Variants in SPTLC3 observed in about 807,000 individuals in gnomAD.
SPTLC3 encodes serine palmitoyltransferase 3.
A neutral mutation model predicts 59.3 loss-of-function variants in SPTLC3; 36 were observed. The ratio of observed to expected loss-of-function variants is 0.61; its 90% CI spans 0.47 to 0.80. The LOEUF is 0.80. Ranked by LOEUF, SPTLC3 falls within the 30% of genes least tolerant of loss-of-function variation. The probability of loss-of-function intolerance (pLI) is 0.00; values close to 1 mark genes in which losing one functional copy is unlikely to be tolerated. For synonymous variants in SPTLC3, 257 were observed against 240.8 expected (o/e 1.07, Z -0.62); for missense variants, 625 against 685.1 (o/e 0.91, Z 0.98).
intron 1 of SPTLC3, among the ~76,000 whole-genome samples, chr20:13,037,181 C>T (rs1434884423): frequency 6.6e-6 from 1 of 152,112 alleles, no homozygotes; most frequent in Non-Finnish European, 1.5e-5. Flanking sequence ...TTACATAAAG[C>T]CTTTCTCAGA....
chr20:13,039,775 T>C (rs1424741547), intron 1 of SPTLC3, among the ~76,000 whole-genome samples: 1 of 152,116 alleles, frequency 6.6e-6, no homozygotes, highest in African/African-American at 2.4e-5. Flanking sequence ...TTCACTTTTT[T>C]TGAGTTTTCT....
At chr20:13,119,659 TCTTCC>T (rs1238568621) in intron 8 of SPTLC3, among the ~76,000 whole-genome samples, 5 of 151,908 alleles carry the variant, frequency 3.3e-5, no homozygotes, top group Non-Finnish European at 5.9e-5. Flanking sequence ...CTCTGTCTTC[TCTTCC>T]CTTCATGTTA....
intron 1 of SPTLC3, among the ~76,000 whole-genome samples, chr20:13,045,514 A>C (rs1248772738): frequency 6.6e-6 from 1 of 152,196 alleles, no homozygotes; most frequent in Non-Finnish European, 1.5e-5. Flanking sequence ...ATTATAAGTA[A>C]AAGAATATAG....
rs574151131 is a variant in SPTLC3, at chr20:13,167,146, T to C, written c.*2279T>C. 2.4e-4 allele frequency: 37 copies of C among 152,298 alleles called. No homozygotes were observed. The highest frequency in any genetic ancestry group is 3.9e-4 in the Admixed American group (6 of 15,292). 9.4% of individuals were successfully genotyped at this position (152,298 alleles called of 1,614,324 possible). A position where few individuals can be genotyped will look rare whatever the true frequency, so the allele number is the denominator to read the frequency against. The stretch of plus-strand genomic sequence containing the variant: ...CCACAGGGCCAATAATATTAGAGTA[T>C]ATGTCATATAGAATAAGGTTAATTA... On this transcript the variant is annotated 3_prime_UTR_variant, in exon 12 of 12. Transcript: ENST00000399002.
intron 10 of SPTLC3, among the ~76,000 whole-genome samples, chr20:13,156,345 C>A (rs989065782): frequency 6.6e-6 from 1 of 152,060 alleles, no homozygotes; most frequent in Non-Finnish European, 1.5e-5. Context: ...GAGAAGAGTC[C>A]GTAAGTAGTG....
chr20:13,039,013 T>G (rs1986859286), intron 1 of SPTLC3, among the ~76,000 whole-genome samples: 1 of 152,142 alleles, frequency 6.6e-6, no homozygotes, highest in Non-Finnish European at 1.5e-5. Flanking sequence ...TTGCATAATT[T>G]CAAGCTTTTT....
At chr20:13,030,832 G>T (rs541973993) in intron 1 of SPTLC3, among the ~76,000 whole-genome samples, 1 of 152,172 alleles carries the variant, frequency 6.6e-6, no homozygotes, top group East Asian at 1.9e-4. Context: ...TGATTATTCA[G>T]ATTTTATTTA....
At chr20:13,110,874 G>C (rs907727834) in intron 7 of SPTLC3, among the ~76,000 whole-genome samples, 1 of 152,032 alleles carries the variant, frequency 6.6e-6, no homozygotes, top group African/African-American at 2.4e-5. Context: ...TGATAGAAAA[G>C]TGAAAAATAT....
intron 9 of SPTLC3, among the ~76,000 whole-genome samples, chr20:13,131,950 C>G (rs775588150): frequency 2.0e-4 from 30 of 152,182 alleles, no homozygotes; most frequent in Non-Finnish European, 3.5e-4. Flanking sequence ...CAGCCTACTA[C>G]AGGCAGCTGG....
At chr20:13,139,276 T>C (rs2038324418) in intron 9 of SPTLC3, among the ~76,000 whole-genome samples, 1 of 152,226 alleles carries the variant, frequency 6.6e-6, no homozygotes, top group Admixed American at 6.5e-5. Flanking sequence ...TATTGGGATT[T>C]TGAGTCTTTG....
intron 1 of SPTLC3, among the ~76,000 whole-genome samples, chr20:13,043,529 G>C (rs1987085209): frequency 6.6e-6 from 1 of 152,312 alleles, no homozygotes; most frequent in East Asian, 1.9e-4. Context: ...AGCACAAGAA[G>C]TGACTGCATC....
rs74181398 is a variant in SPTLC3 at position 13,038,045 on chromosome 20, A to AATATATATATATATATATATAT, written c.118-10885_118-10884insTATATATATATATATATATATA. ...GCTGGAAAATACAGAGAAAATCATGAATATATATATATATAATATATCTTC... is the reference window on the plus strand; with the variant it reads ...GCTGGAAAATACAGAGAAAATCATGAATATATATATATATATATATATATATATATATATATAATATATCTTC... On this transcript the variant is annotated intron_variant, in intron 1 of 11. Transcript: ENST00000399002. Among the ~76,000 whole-genome samples, 233 of 139,526 alleles carry AATATATATATATATATATATAT rather than the reference A, an allele frequency of 1.7e-3. 5 individuals are homozygous for AATATATATATATATATATATAT. Among genetic ancestry groups the AATATATATATATATATATATAT allele is most frequent in the African/African-American group, 5.8e-3 (210 of 36,460 alleles). 91.5% of individuals were successfully genotyped at this position (139,526 alleles called of 152,430 possible).
At chr20:13,063,325 C>A (rs992277024) in intron 2 of SPTLC3, among the ~76,000 whole-genome samples, 1 of 152,044 alleles carries the variant, frequency 6.6e-6, no homozygotes, top group Admixed American at 6.5e-5. Context: ...ATAATTTTTC[C>A]ATTAAATGTG....
chr20:13,122,581 G>A (rs1417317662), intron 8 of SPTLC3, among the ~76,000 whole-genome samples: 2 of 152,194 alleles, frequency 1.3e-5, no homozygotes, highest in Non-Finnish European at 2.9e-5. Context: ...AAACTTTTCT[G>A]TGATTCAGTT....
At chr20:13,030,619 C>T (rs1986392193) in intron 1 of SPTLC3, among the ~76,000 whole-genome samples, 1 of 152,074 alleles carries the variant, frequency 6.6e-6, no homozygotes, top group South Asian at 2.1e-4. Flanking sequence ...TTTACTGGAC[C>T]CCTGTTACAT....
chr20:13,041,379 A>G (rs1466062720), intron 1 of SPTLC3, among the ~76,000 whole-genome samples: 2 of 151,862 alleles, frequency 1.3e-5, no homozygotes, highest in Non-Finnish European at 2.9e-5. Flanking sequence ...TAAATCTGCT[A>G]TTGAGCCCCT....
intron 7 of SPTLC3, among the ~76,000 whole-genome samples, chr20:13,114,835 C>A (rs1990444826): frequency 6.6e-6 from 1 of 152,078 alleles, no homozygotes; most frequent in Non-Finnish European, 1.5e-5. Context: ...CTCCATCTGC[C>A]AGTGGCTAAT....
intron 6 of SPTLC3, among the ~76,000 whole-genome samples, chr20:13,096,028 CCATGATGA>C (rs1989399796): frequency 6.6e-6 from 1 of 152,026 alleles, no homozygotes; most frequent in Non-Finnish European, 1.5e-5. Flanking sequence ...GTGAAAAGGG[CCATGATGA>C]CATCAAGCAG....
intron 2 of SPTLC3, among the ~76,000 whole-genome samples, chr20:13,066,070 C>G (rs1180019392): frequency 2.0e-5 from 3 of 152,246 alleles, no homozygotes; most frequent in Non-Finnish European, 4.4e-5. Context: ...CCCCTATTTT[C>G]ACCATGCCCC....
Sources: allele counts gnomAD v4.1 joint callset (sites outside exome capture counted in the v4.1 genomes callset), GRCh38; gene constraint gnomAD v4.1.1; transcripts MANE v1.5; gene names NCBI Gene and HGNC (gene_info 2026-07-23, HGNC 2026-07-21).